FAM178B: variants seen among roughly 807,000 people sequenced by gnomAD.
The protein encoded by FAM178B is protein FAM178B.
Under a neutral mutation model 91.7 loss-of-function variants are expected in FAM178B, and 82 were observed. The ratio of observed to expected loss-of-function variants is 0.89; its 90% confidence interval spans 0.75 to 1.07. FAM178B has a LOEUF of 1.07. FAM178B is among the 50% of genes least tolerant of loss of function. The pLI is 0.00. For synonymous variants in FAM178B, 368 were observed against 359.4 expected (o/e 1.02, Z -0.27); for missense variants, 769 against 846.7 (o/e 0.91, Z 1.14).
At chr2:96,878,640 G>T (rs1029051977) in intron 14 of FAM178B, 147 bp from the exon 15 acceptor site, 1 of 715,978 alleles carries the variant, frequency 1.4e-6, no homozygotes, top group Non-Finnish European at 2.4e-6. Context: ...AGTTTCCAGG[G>T]AGGCATCTTC....
intron 1 of FAM178B, among the ~76,000 whole-genome samples, chr2:96,981,951 C>T (rs1404285898): frequency 6.6e-6 from 1 of 151,748 alleles, no homozygotes; most frequent in Non-Finnish European, 1.5e-5. Flanking sequence ...ACCTGCAGTA[C>T]CAGCTACTTG....
At chr2:96,905,372 A>G (rs1028461000) in intron 12 of FAM178B, among the ~76,000 whole-genome samples, 5 of 151,970 alleles carry the variant, frequency 3.3e-5, no homozygotes, top group Non-Finnish European at 7.4e-5. Context: ...AGCTGGGCCA[A>G]CATGCTGAAA....
intron 8 of FAM178B, among the ~76,000 whole-genome samples, chr2:96,935,504 A>G (rs2081609588): frequency 6.6e-6 from 1 of 152,166 alleles, no homozygotes; most frequent in African/African-American, 2.4e-5. Context: ...TCAGGAAGGT[A>G]GCAGTAGCAA....
chr2:96,939,710 C>T (rs2081694237), intron 8 of FAM178B, among the ~76,000 whole-genome samples: 1 of 152,022 alleles, frequency 6.6e-6, no homozygotes, highest in African/African-American at 2.4e-5. Flanking sequence ...GCTGGCTGAC[C>T]ACAGAGGAGA....
At chr2:96,959,199 GA>G (rs57498168) in intron 6 of FAM178B, among the ~76,000 whole-genome samples, 925 of 82,062 alleles carry the variant, frequency 0.011, no homozygotes, top group Non-Finnish European at 0.023. Context: ...ACTCAGTTTT[GA>G]AAAAAAAAAA....
At chr2:96,907,775 G>C (rs1405345785) in intron 12 of FAM178B, among the ~76,000 whole-genome samples, 4 of 152,248 alleles carry the variant, frequency 2.6e-5, no homozygotes, top group Non-Finnish European at 4.4e-5. Context: ...GGGCTGCTGG[G>C]ATGTCGGGCA....
chr2:96,915,626 C>G (rs982600523), intron 12 of FAM178B, among the ~76,000 whole-genome samples: 8 of 151,326 alleles, frequency 5.3e-5, no homozygotes, highest in Admixed American at 1.3e-4. Context: ...GACCAGCCTG[C>G]CCAACATGGA....
intron 14 of FAM178B, among the ~76,000 whole-genome samples, chr2:96,879,418 C>T (rs1345540675): frequency 3.3e-5 from 5 of 152,208 alleles, no homozygotes; most frequent in Non-Finnish European, 5.9e-5. Context: ...CCCCTGCCCT[C>T]ATCACCCGGC....
At chr2:96,961,251 A>G (rs1188371792) in intron 5 of FAM178B, among the ~76,000 whole-genome samples, 1 of 152,224 alleles carries the variant, frequency 6.6e-6, no homozygotes. Flanking sequence ...AGCTAAATCT[A>G]CATAAAGAAG....
intron 12 of FAM178B, among the ~76,000 whole-genome samples, chr2:96,908,769 G>T (rs1404279576): frequency 6.6e-6 from 1 of 150,682 alleles, no homozygotes; most frequent in East Asian, 1.9e-4. Flanking sequence ...TAAATTAAAA[G>T]GTACACATGA....
intron 8 of FAM178B, among the ~76,000 whole-genome samples, chr2:96,935,976 T>C (rs1270071518): frequency 6.6e-6 from 1 of 151,588 alleles, no homozygotes; most frequent in Non-Finnish European, 1.5e-5. Flanking sequence ...CAACCCTAAT[T>C]TAGGCTATGG....
chr2:96,916,636 C>T (rs2081245432), intron 12 of FAM178B, among the ~76,000 whole-genome samples: 1 of 152,192 alleles, frequency 6.6e-6, no homozygotes, highest in Admixed American at 6.5e-5. Context: ...GGTGGATGTT[C>T]CTCCAAGAAC....
chr2:96,919,630 C>T (rs530383719), intron 12 of FAM178B, among the ~76,000 whole-genome samples: 7 of 152,090 alleles, frequency 4.6e-5, no homozygotes, highest in Admixed American at 2.0e-4. Flanking sequence ...AGTGGATGGG[C>T]GGTCTGGGGA....
intron 13 of FAM178B, among the ~76,000 whole-genome samples, chr2:96,896,223 C>T (rs1321226023): frequency 6.6e-6 from 1 of 152,212 alleles, no homozygotes; most frequent in Admixed American, 6.5e-5. Context: ...CAGGGGCGCA[C>T]AGGACAGCAC....
intron 14 of FAM178B, among the ~76,000 whole-genome samples, chr2:96,890,265 C>T (rs886612282): frequency 6.6e-6 from 1 of 152,040 alleles, no homozygotes; most frequent in African/African-American, 2.4e-5. Context: ...GGCGACAGAG[C>T]AAGACTCCGT....
chr2:96,922,888 G>A (rs1471481373), intron 10 of FAM178B, among the ~76,000 whole-genome samples: 1 of 151,982 alleles, frequency 6.6e-6, no homozygotes, highest in East Asian at 1.9e-4. Context: ...TAGCCAGGCT[G>A]GTCTCGAACT....
At chr2:96,938,653 G>A (rs72942969) in intron 8 of FAM178B, among the ~76,000 whole-genome samples, 1,907 of 152,312 alleles carry the variant, frequency 0.013, 48 homozygotes, top group African/African-American at 0.044. Flanking sequence ...CAGTGTCCCT[G>A]CTCACACAGC....
Position 96,986,372 on chromosome 2 carries a change from A to T in FAM178B, c.-59T>A. On this transcript the variant is annotated 5_prime_UTR_variant, in exon 1 of 17. Transcript: ENST00000490605. ...GGGTGGCGGGAATTCGCACGGCCTCAGAGGACGGGGCCAGCTAGCCGGGAA... is the reference window on the plus strand; with the variant it reads ...GGGTGGCGGGAATTCGCACGGCCTCTGAGGACGGGGCCAGCTAGCCGGGAA... 1 of 1,519,464 alleles carries T rather than the reference A, an allele frequency of 6.6e-7. No individual in the cohort carries two copies. Among genetic ancestry groups the T allele is most frequent in the East Asian group, 2.5e-5 (1 of 40,494 alleles). The allele number at this position is 1,519,464 out of a possible 1,614,324, so 94.1% of individuals were successfully genotyped here.
At chr2:96,931,946 T>C (rs2081547232) in intron 8 of FAM178B, among the ~76,000 whole-genome samples, 1 of 151,702 alleles carries the variant, frequency 6.6e-6, no homozygotes, top group South Asian at 2.1e-4. Context: ...CTGGGAAGAA[T>C]GAAGTCTGCA....
Sources: allele counts gnomAD v4.1 joint callset (sites outside exome capture counted in the v4.1 genomes callset), GRCh38; gene constraint gnomAD v4.1.1; transcripts MANE v1.5; gene names NCBI Gene and HGNC (gene_info 2026-07-23, HGNC 2026-07-21).